DPP9: variants seen among roughly 807,000 people sequenced by gnomAD.
DPP9 encodes the protein dipeptidyl peptidase IV-related protein-2.
DPP9 carries 50 observed loss-of-function variants against 110.7 expected under a neutral mutation model. That is an observed-to-expected ratio of 0.45 (90% CI 0.36 to 0.57). The LOEUF (loss-of-function observed/expected upper bound fraction) is 0.57. Ranked by LOEUF, DPP9 falls within the 20% of genes least tolerant of loss-of-function variation. DPP9 has a pLI of 0.00. For synonymous variants in DPP9, 561 were observed against 514.4 expected (o/e 1.09, Z -1.23); for missense variants, 1,022 against 1,217.9 (o/e 0.84, Z 2.39).
chr19:4,676,551 C>A lies in DPP9; in HGVS notation c.*13G>T. ...CACTTGTGCTGTGATGTGGCGGCTC[C>A]CGGTGGGCAGGCTCAGAGGTATTCC... is the stretch of plus-strand genomic sequence containing the variant. On this transcript the variant is annotated 3_prime_UTR_variant, in exon 22 of 22. Transcript: ENST00000262960. The surrounding 1 kb of genome is among the most constrained non-coding windows in gnomAD (Gnocchi z 4.0). The A allele has an allele frequency of 1.3e-6, 2 of 1,584,536 alleles. No individual in the cohort carries two copies. Among genetic ancestry groups the A allele is most frequent in the East Asian group, 2.3e-5 (1 of 42,892 alleles).
intron 4 of DPP9, among the ~76,000 whole-genome samples, chr19:4,706,864 C>T (rs1316660801): frequency 2.0e-5 from 3 of 152,170 alleles, no homozygotes; most frequent in Admixed American, 6.5e-5. Flanking sequence ...TTCCCAACCT[C>T]GCCCCTAATT....
rs575249982 is a variant in DPP9 at position 4,687,245 on chromosome 19, G to A, written c.1886-1474C>T. Among the ~76,000 whole-genome samples the A allele has an allele frequency of 1.2e-4, 18 of 152,234 alleles. No individual in the cohort carries two copies. The highest frequency in any genetic ancestry group is 3.4e-4 in the African/African-American group (14 of 41,536). On this transcript the variant is annotated intron_variant, in intron 16 of 21. Transcript: ENST00000262960. This position sits in a 1 kb window ranked among gnomAD's most constrained non-coding sequence, Gnocchi z 4.7. ...CATCACAAAATGCTTTCCAGCCCAC[G>A]GAATACCCCGCATATGCTGGAAATT...
At position 4,695,413 on chromosome 19, in the gene DPP9, C is replaced by T; in HGVS notation, c.1318G>A (p.Val440Met). Residue 440 changes from valine (V) to methionine (M), a missense_variant, in exon 12 of 22, where the codon GTG becomes ATG. Physicochemically the swap from Val to Met is conservative, Grantham distance 21. Transcript: ENST00000262960. The surrounding 1 kb of genome is among the most constrained non-coding windows in gnomAD (Gnocchi z 4.7). Reference protein sequence around the residue: ...RAVPRNVQPYVVYEEVTNVWI... With the variant: ...RAVPRNVQPYMVYEEVTNVWI... ...ACGTTGGTGACCTCCTCGTACACCA[C>T]ATACGGCTGGACATTCCTGGGGACA... 6.3e-7 allele frequency: 1 copy of T among 1,593,302 alleles called. No individual in the cohort carries two copies. The highest frequency in any genetic ancestry group is 8.5e-7 in the Non-Finnish European group (1 of 1,169,898).
In DPP9 at chr19:4,690,914, G is replaced by T; in HGVS notation, c.1560C>A (p.Ser520Arg). The T allele has an allele frequency of 1.9e-6, 3 of 1,613,290 alleles. No individual in the cohort carries two copies. The highest frequency in any genetic ancestry group is 2.5e-6 in the Non-Finnish European group (3 of 1,179,654). ...GCCTCGCCAAAACCTCCCATTCACCGCTGGTCAGAGCAATCTCTTCCTTAA... is the reference window on the plus strand; with the variant it reads ...GCCTCGCCAAAACCTCCCATTCACCTCTGGTCAGAGCAATCTCTTCCTTAA... ...CPIKEEIALT[S>R]GEWEVLARHG... is the part of the protein sequence containing the mutation. Residue 520 changes from serine to arginine, a missense_variant, in exon 14 of 22, where the codon AGC (serine) becomes AGA (arginine). Around this residue, in one of 3 missense-constraint regions of DPP9, gnomAD observed 810 missense variants for 920.6 expected, o/e 0.88. Coordinates refer to ENST00000262960, the MANE Select transcript of DPP9 (RefSeq NM_139159.5).
chr19:4,688,555 C>G (rs890308722), intron 16 of DPP9: 22 of 650,690 alleles, frequency 3.4e-5, no homozygotes, highest in Non-Finnish European at 9.1e-6. Context: ...TACTGCAGCT[C>G]GAACCCAGGA....
chr19:4,722,809 C>G (rs1472369801), intron 1 of DPP9: 1 of 431,362 alleles, frequency 2.3e-6, no homozygotes. Flanking sequence ...ACCCCCTGGG[C>G]TTTAGTCCCA....
At chr19:4,697,384 G>A (rs889867669) in intron 11 of DPP9, among the ~76,000 whole-genome samples, 167 bp downstream of exon 11, 1 of 152,216 alleles carries the variant, frequency 6.6e-6, no homozygotes, top group African/African-American at 2.4e-5. Flanking sequence ...GCTGAGGTCA[G>A]GAGGGCCCTT....
chr19:4,698,212 A>T lies in DPP9; in HGVS notation c.1075-561T>A, dbSNP rs893344212. On this transcript the variant is annotated intron_variant, in intron 10 of 21. Coordinates refer to ENST00000262960, the MANE Select transcript of DPP9 (RefSeq NM_139159.5). This position sits in a 1 kb window ranked among gnomAD's most constrained non-coding sequence, Gnocchi z 4.2. ...CAGTCCCCGGACCCAGGGCTTCCCC[A>T]TGCTTAAACAGGGCTGGCACGGCGT... is the stretch of plus-strand genomic sequence containing the variant. Among the ~76,000 whole-genome samples the T allele has an allele frequency of 6.6e-6, 1 of 152,190 alleles. No homozygotes were observed. The highest frequency in any genetic ancestry group is 2.1e-4 in the South Asian group (1 of 4,832).
rs201249428 is a variant in DPP9, at chr19:4,695,405, G to A, written c.1326C>T (p.Tyr442=). Residue 442 remains tyrosine (Y), a synonymous_variant, in exon 12 of 22, where the codon TAC becomes TAT. Coordinates refer to ENST00000262960, the MANE Select transcript of DPP9 (RefSeq NM_139159.5). The surrounding 1 kb of genome is among the most constrained non-coding windows in gnomAD (Gnocchi z 4.7). ...VPRNVQPYVV[Y]EEVTNVWINV... ...TGATCCAGACGTTGGTGACCTCCTCGTACACCACATACGGCTGGACATTCC... is the reference window on the plus strand; with the variant it reads ...TGATCCAGACGTTGGTGACCTCCTCATACACCACATACGGCTGGACATTCC... 21 of 1,589,650 alleles carry A rather than the reference G, an allele frequency of 1.3e-5. No homozygotes were observed. The highest frequency in any genetic ancestry group is 5.4e-5 in the African/African-American group (4 of 74,192).
In DPP9 at chr19:4,695,545, T is replaced by G; in HGVS notation, c.1186A>C (p.Met396Leu). Reference sequence around the variant, plus strand: ...CACTGCTGGGGCCGGTCCAGGAACATGGCCCAGGCGCTAAGGGGGAAGATG... The same window carrying G: ...CACTGCTGGGGCCGGTCCAGGAACAGGGCCCAGGCGCTAAGGGGGAAGATG... ...WTRDGKYAWA[M>L]FLDRPQQWLQ... Residue 396 changes from methionine to leucine, a missense_variant, in exon 12 of 22, where the codon ATG becomes CTG. Met to Leu is a conservative substitution (Grantham distance 15, BLOSUM62 2). Transcript: ENST00000262960. The surrounding 1 kb of genome is among the most constrained non-coding windows in gnomAD (Gnocchi z 4.7). 2 of 1,472,354 alleles carry G rather than the reference T, an allele frequency of 1.4e-6. No homozygotes were observed. The highest frequency in any genetic ancestry group is 1.8e-6 in the Non-Finnish European group (2 of 1,112,072). The allele number at this position is 1,472,354 out of a possible 1,614,324, so 91.2% of individuals were successfully genotyped here. A position where few individuals can be genotyped will look rare whatever the true frequency, so the allele number is the denominator to read the frequency against.
At position 4,702,483 on chromosome 19, in the gene DPP9, G is replaced by A. The variant is rs573488576; in HGVS notation, c.883+120C>T. On this transcript the variant is annotated intron_variant, in intron 8 of 21. Coordinates refer to ENST00000262960, the MANE Select transcript of DPP9 (RefSeq NM_139159.5). ...TCGTTAAGGAACTCTCTAGGTGTTG[G>A]TATTGACAGACTGTGGAGGTGGTTT... 6.4e-6 allele frequency: 5 copies of A among 777,850 alleles called. No individual in the cohort carries two copies. In the South Asian group the frequency reaches 6.7e-5, roughly 10 times the overall value. 48.2% of individuals were successfully genotyped at this position (777,850 alleles called of 1,614,324 possible). A position where few individuals can be genotyped will look rare whatever the true frequency, so the allele number is the denominator to read the frequency against.
At chr19:4,711,098 C>T (rs367866248) in intron 4 of DPP9, among the ~76,000 whole-genome samples, 19 of 152,220 alleles carry the variant, frequency 1.2e-4, no homozygotes, top group Middle Eastern at 6.8e-3. Context: ...GGAGGGGTTG[C>T]GGAGGACAGG....
In DPP9 at chr19:4,710,135, G is replaced by C. The variant is rs1472230908; in HGVS notation, c.313+3946C>G. Among the ~76,000 whole-genome samples, 1 of 152,148 alleles carries C rather than the reference G, an allele frequency of 6.6e-6. No homozygotes were observed. The highest frequency in any genetic ancestry group is 1.5e-5 in the Non-Finnish European group (1 of 68,008). On this transcript the variant is annotated intron_variant, in intron 4 of 21. Coordinates refer to ENST00000262960, the MANE Select transcript of DPP9 (RefSeq NM_139159.5). The surrounding 1 kb of genome is among the most constrained non-coding windows in gnomAD (Gnocchi z 5.6). ...CAGCTCTGCCCCTGCAAACACACCT[G>C]ATGCCAACCTGTCACCCACCCATGC... is the stretch of plus-strand genomic sequence containing the variant.
At chr19:4,719,777 G>A in intron 3 of DPP9, 74 bp downstream of exon 3, 1 of 1,517,636 alleles carries the variant, frequency 6.6e-7, no homozygotes, top group African/African-American at 1.4e-5. Flanking sequence ...GGGCCTTCCA[G>A]ATCTTAGACT....
In DPP9 at chr19:4,676,639, T is replaced by C. The variant is rs374298823; in HGVS notation, c.2604A>G (p.Arg868=). ...PYQLQIYPNE[R]HSIRCPESGE... ...CCGACTCGGGGCAGCGAATACTGTG[T>C]CTCTCGTTGGGGTAGATCTGCGGGG... Residue 868 remains arginine (R), a synonymous_variant, in exon 22 of 22, where the codon AGA becomes AGG. Coordinates refer to ENST00000262960, the MANE Select transcript of DPP9 (RefSeq NM_139159.5). This position sits in a 1 kb window ranked among gnomAD's most constrained non-coding sequence, Gnocchi z 4.0. The C allele has an allele frequency of 2.7e-5, 44 of 1,605,758 alleles. No individual in the cohort carries two copies. Among genetic ancestry groups the C allele is most frequent in the Non-Finnish European group, 3.1e-5 (37 of 1,176,264 alleles).
At chr19:4,723,155 G>A (rs2089345500) in intron 1 of DPP9, among the ~76,000 whole-genome samples, 1 of 152,238 alleles carries the variant, frequency 6.6e-6, no homozygotes, top group Non-Finnish European at 1.5e-5. Context: ...TGAGGATCAG[G>A]ACTGGATTGG....
At position 4,714,145 on chromosome 19, in the gene DPP9, G is replaced by A. The variant is rs192960415; in HGVS notation, c.249C>T (p.His83=). The change falls in exon 4 of 22, where the codon CAC becomes CAT. Residue 83 remains histidine (H), a synonymous_variant. Transcript: ENST00000262960. ...CCGTCTTCTGCACAAACTGGAAGTCGTGGGGCGCCTTGTTGACAATGAGGC... is the reference window on the plus strand; with the variant it reads ...CCGTCTTCTGCACAAACTGGAAGTCATGGGGCGCCTTGTTGACAATGAGGC... ...YSGLIVNKAP[H]DFQFVQKTDE... The A allele has an allele frequency of 6.7e-4, 1,081 of 1,613,366 alleles. 10 individuals are homozygous for A. In the Admixed American group the frequency reaches 0.013, roughly 19 times the overall value.
chr19:4,695,481 G>C lies in DPP9; in HGVS notation c.1250C>G (p.Pro417Arg), dbSNP rs767428774. The C allele has an allele frequency of 6.4e-7, 1 of 1,574,616 alleles. No individual in the cohort carries two copies. Among genetic ancestry groups the C allele is most frequent in the South Asian group, 1.2e-5 (1 of 85,414 alleles). ...LVLLPPALFIPSTENEEQRLA... is the reference protein window; with the variant it reads ...LVLLPPALFIRSTENEEQRLA... ...CCGCTGCTCCTCATTCTCTGTGCTCGGGATGAACAGGGCCGGGGGGAGGAG... is the reference window on the plus strand; with the variant it reads ...CCGCTGCTCCTCATTCTCTGTGCTCCGGATGAACAGGGCCGGGGGGAGGAG... The change falls in exon 12 of 22, where the codon CCG (proline) becomes CGG (arginine). Residue 417 changes from proline (P) to arginine (R), a missense_variant. Transcript: ENST00000262960. This position sits in a 1 kb window ranked among gnomAD's most constrained non-coding sequence, Gnocchi z 4.7.
In DPP9 at chr19:4,685,803, C is replaced by A; in HGVS notation, c.1886-32G>T. On this transcript the variant is annotated intron_variant, in intron 16 of 21. Transcript: ENST00000262960. This position sits in a 1 kb window ranked among gnomAD's most constrained non-coding sequence, Gnocchi z 5.8. ...GAGACAGGGCGGCTATCTGGCTGCC[C>A]GGGGAAGCCACATCCAGCTGACACC... 1 of 1,604,976 alleles carries A rather than the reference C, an allele frequency of 6.2e-7. No individual in the cohort carries two copies. Among genetic ancestry groups the A allele is most frequent in the Non-Finnish European group, 8.5e-7 (1 of 1,176,878 alleles).
Sources: allele counts gnomAD v4.1 joint callset (sites outside exome capture counted in the v4.1 genomes callset), GRCh38; gene constraint gnomAD v4.1.1; regional missense constraint gnomAD v4.1.1; non-coding constraint Gnocchi (gnomAD v3.1); transcripts MANE v1.5; gene names NCBI Gene and HGNC (gene_info 2026-07-23, HGNC 2026-07-21).